RNF146: variants seen among roughly 807,000 people sequenced by gnomAD.
The protein encoded by RNF146 is E3 ubiquitin-protein ligase RNF146.
In RNF146, 11 loss-of-function variants were observed where a neutral mutation model predicts 29.7. The ratio of observed to expected loss-of-function variants is 0.37; its 90% CI spans 0.23 to 0.61. RNF146 has a LOEUF of 0.61. Ranked by LOEUF, RNF146 falls within the 20% of genes least tolerant of loss-of-function variation. The pLI is 0.66. For missense variants in RNF146, 342 were observed against 438.9 expected, an observed-to-expected ratio of 0.78 and a Z score of 1.97; for synonymous variants, 150 against 159.7, an observed-to-expected ratio of 0.94 and a Z score of 0.46.
intron 1 of RNF146, among the ~76,000 whole-genome samples, chr6:127,278,176 G>T (rs190002411): frequency 8.3e-4 from 127 of 152,160 alleles, no homozygotes; most frequent in African/African-American, 2.9e-3. Flanking sequence ...TGGACATGGT[G>T]AGGTGGAGAT....
Position 127,286,507 on chromosome 6 carries a change from T to A in RNF146, c.3-109T>A. The A allele has an allele frequency of 9.9e-7, 1 of 1,010,472 alleles. No individual in the cohort carries two copies. The highest frequency in any genetic ancestry group is 1.4e-6 in the Non-Finnish European group (1 of 701,614). The allele number at this position is 1,010,472 out of a possible 1,614,324, so 62.6% of individuals were successfully genotyped here. Reference sequence around the variant, plus strand: ...CTTCATATCCCCATTGTCTAGTATGTGGCTTGCATATAATGCACATCATAG... The same window carrying A: ...CTTCATATCCCCATTGTCTAGTATGAGGCTTGCATATAATGCACATCATAG... On this transcript the variant is annotated intron_variant, in intron 2 of 2. Coordinates refer to ENST00000368314, the MANE Select transcript of RNF146 (RefSeq NM_001242850.2). This position sits in a 1 kb window ranked among gnomAD's most constrained non-coding sequence, Gnocchi z 4.6.
At chr6:127,281,868 T>G (rs1778954088) in intron 2 of RNF146, among the ~76,000 whole-genome samples, 1 of 151,624 alleles carries the variant, frequency 6.6e-6, no homozygotes, top group Admixed American at 6.6e-5. Flanking sequence ...CAGTACCCCA[T>G]ATTGAGCCAG....
intron 1 of RNF146, 23 bp from the exon 2 acceptor site, chr6:127,280,204 CTTAA>C (rs1778750267): frequency 2.5e-6 from 2 of 809,408 alleles, no homozygotes; most frequent in South Asian, 1.7e-5. Flanking sequence ...TTCTCTTGAT[CTTAA>C]TTACTCTTTT....
chr6:127,283,963 T>G (rs180725336), intron 2 of RNF146, among the ~76,000 whole-genome samples: 33 of 151,962 alleles, frequency 2.2e-4, no homozygotes, highest in Admixed American at 1.6e-3. Context: ...CTGGGATGAT[T>G]GTAATTGCTT....
intron 2 of RNF146, among the ~76,000 whole-genome samples, chr6:127,284,992 T>A (rs1220430836): frequency 6.6e-6 from 1 of 151,920 alleles, no homozygotes; most frequent in Non-Finnish European, 1.5e-5. Context: ...CACCCCTGAC[T>A]TAGAACTTTC....
chr6:127,277,837 C>G (rs1216431238), intron 1 of RNF146, among the ~76,000 whole-genome samples: 1 of 152,104 alleles, frequency 6.6e-6, no homozygotes, highest in East Asian at 1.9e-4. Context: ...GTATCCTTCA[C>G]TCCAATCAAG....
intron 1 of RNF146, among the ~76,000 whole-genome samples, chr6:127,277,209 A>G (rs1562283546): frequency 6.6e-6 from 1 of 151,986 alleles, no homozygotes; most frequent in Admixed American, 6.6e-5. Context: ...AAGAAAAAGT[A>G]ATGATGTTGG....
intron 1 of RNF146, among the ~76,000 whole-genome samples, chr6:127,273,216 G>A (rs111590169): frequency 6.6e-6 from 1 of 152,210 alleles, no homozygotes; most frequent in Non-Finnish European, 1.5e-5. Flanking sequence ...TACATGCAGA[G>A]ATGATTAGTG....
At chr6:127,274,787 A>G (rs1178673343) in intron 1 of RNF146, among the ~76,000 whole-genome samples, 2 of 152,154 alleles carry the variant, frequency 1.3e-5, no homozygotes, top group Non-Finnish European at 2.9e-5. Flanking sequence ...AATTGTGGGT[A>G]AAGGCTGGGC....
chr6:127,278,441 T>C (rs1193569791), intron 1 of RNF146, among the ~76,000 whole-genome samples: 1 of 152,070 alleles, frequency 6.6e-6, no homozygotes, highest in Non-Finnish European at 1.5e-5. Context: ...TGATATTTCA[T>C]GTAAGTGGAA....
chr6:127,287,431 C>T lies in RNF146; in HGVS notation c.818C>T (p.Pro273Leu), dbSNP rs778581193. The change falls in exon 3 of 3, where the codon CCA becomes CTA. Residue 273 changes from proline to leucine, a missense_variant. Pro to Leu is a moderately conservative substitution (Grantham distance 98). This residue lies in a region of RNF146 where 196 missense variants were observed against 208.9 expected (regional missense o/e 0.94). Coordinates refer to ENST00000368314, the MANE Select transcript of RNF146 (RefSeq NM_001242850.2). ...RGEGEEDHES[P>L]SSGRVPAPDT... Reference sequence around the variant, plus strand: ...GAAGGAGAAGAAGATCATGAATCACCATCTTCAGGCAGGGTACCAGCACCA... The same window carrying T: ...GAAGGAGAAGAAGATCATGAATCACTATCTTCAGGCAGGGTACCAGCACCA... The T allele has an allele frequency of 1.2e-6, 2 of 1,613,290 alleles. No homozygotes were observed. The highest frequency in any genetic ancestry group is 1.7e-6 in the Non-Finnish European group (2 of 1,179,608).
intron 1 of RNF146, among the ~76,000 whole-genome samples, chr6:127,268,677 C>T (rs183670369): frequency 6.6e-5 from 10 of 152,120 alleles, no homozygotes; most frequent in African/African-American, 2.4e-4. Flanking sequence ...TTTTTTTCTT[C>T]GCTGGTTGTT....
chr6:127,279,504 C>G (rs1020973417), intron 1 of RNF146, among the ~76,000 whole-genome samples: 1 of 151,802 alleles, frequency 6.6e-6, no homozygotes, highest in African/African-American at 2.4e-5. Context: ...CAGCACCAAA[C>G]TGTCTTGTTA....
chr6:127,280,028 TTACC>T (rs1333788963), intron 1 of RNF146, among the ~76,000 whole-genome samples, 199 bp from the exon 2 acceptor site: 3 of 151,918 alleles, frequency 2.0e-5, no homozygotes, highest in Middle Eastern at 3.4e-3. Context: ...TACTTCCTCC[TTACC>T]CGTCTGTATG....
intron 2 of RNF146, among the ~76,000 whole-genome samples, chr6:127,284,440 G>T (rs773163307): frequency 3.3e-5 from 5 of 151,752 alleles, no homozygotes; most frequent in Non-Finnish European, 5.9e-5. Context: ...ACTTGTAAAT[G>T]GATCACTTTC....
chr6:127,273,321 T>C (rs1208581228), intron 1 of RNF146, among the ~76,000 whole-genome samples: 1 of 152,220 alleles, frequency 6.6e-6, no homozygotes, highest in African/African-American at 2.4e-5. Context: ...TCATACTGCA[T>C]CTTTACATTT....
rs749972364 is a variant in RNF146, at chr6:127,287,632, CAGTG to C, written c.1024_1027del (p.Val345AspfsTer11). 1.2e-6 allele frequency: 2 copies of C among 1,610,516 alleles called. No individual in the cohort carries two copies. Among genetic ancestry groups the C allele is most frequent in the Non-Finnish European group, 1.7e-6 (2 of 1,177,800 alleles). On this transcript the variant is annotated frameshift_variant, in exon 3 of 3. Transcript: ENST00000368314. LOFTEE classifies it high-confidence loss of function. ...GATCGATCAGTAGCAGGGGGTGGAA[CAGTG>C]AGTGTCAGTGTCAGATCTAGAAGGC...
At chr6:127,276,384 AG>A (rs1415804611) in intron 1 of RNF146, among the ~76,000 whole-genome samples, 2 of 151,968 alleles carry the variant, frequency 1.3e-5, no homozygotes, top group Non-Finnish European at 2.9e-5. Flanking sequence ...GTGGGGGAGC[AG>A]GGGGCTGTGT....
intron 1 of RNF146, among the ~76,000 whole-genome samples, chr6:127,276,897 C>T (rs1218957353): frequency 6.6e-6 from 1 of 151,950 alleles, no homozygotes; most frequent in East Asian, 1.9e-4. Flanking sequence ...GGGTGAGATT[C>T]CTAGGTTTAA....
Sources: gnomAD v4.1 joint callset for allele counts (sites outside exome capture counted in the v4.1 genomes callset) on GRCh38, gnomAD v4.1.1 for gene constraint, gnomAD v4.1.1 regional missense constraint, Gnocchi (gnomAD v3.1) non-coding constraint, MANE v1.5 for transcripts, NCBI Gene and HGNC (gene_info 2026-07-23, HGNC 2026-07-21) for gene names.